The following OXSR1 variants were observed in gnomAD, a reference collection of about 807,000 sequenced individuals.
The protein encoded by OXSR1 is oxidative stress responsive kinase 1.
OXSR1 carries 24 observed loss-of-function variants against 79.8 expected under a neutral mutation model. The ratio of observed to expected loss-of-function variants is 0.30; its 90% CI spans 0.22 to 0.42. OXSR1 has a LOEUF of 0.42. Ranked by LOEUF, OXSR1 falls within the 10% of genes least tolerant of loss-of-function variation. The probability of loss-of-function intolerance (pLI) is 1.00; values close to 1 mark genes in which losing one functional copy is unlikely to be tolerated. For missense variants in OXSR1, 430 were observed against 618.4 expected (o/e 0.70, Z 3.23); for synonymous variants, 226 against 209.2 (o/e 1.08, Z -0.69).
chr3:38,186,743 C>T (rs572025071), intron 2 of OXSR1, among the ~76,000 whole-genome samples: 17 of 152,176 alleles, frequency 1.1e-4, no homozygotes, highest in Non-Finnish European at 2.2e-4. Context: ...TACTTCTTGG[C>T]TTTTATCAGT....
intron 4 of OXSR1, 32 bp downstream of exon 4, chr3:38,198,895 CA>C (rs1224175445): frequency 6.3e-7 from 1 of 1,589,848 alleles, no homozygotes; most frequent in East Asian, 2.2e-5. Flanking sequence ...TGTGTTACAT[CA>C]TCTCATTAAG....
At chr3:38,167,996 G>A (rs1012903394) in intron 1 of OXSR1, among the ~76,000 whole-genome samples, 2 of 151,638 alleles carry the variant, frequency 1.3e-5, no homozygotes, top group African/African-American at 4.9e-5. Context: ...GAATTTCAGA[G>A]TTGCAAAGGC....
At chr3:38,176,793 A>C (rs1207673852) in intron 1 of OXSR1, among the ~76,000 whole-genome samples, 1 of 152,250 alleles carries the variant, frequency 6.6e-6, no homozygotes, top group East Asian at 1.9e-4. Context: ...TATGATTGAT[A>C]ATACATATGT....
chr3:38,228,420 C>A (rs1702736047), intron 8 of OXSR1, among the ~76,000 whole-genome samples: 1 of 152,130 alleles, frequency 6.6e-6, no homozygotes, highest in South Asian at 2.1e-4. Context: ...CACATTTATT[C>A]AGCTTTTTAA....
At chr3:38,238,840 G>A (rs1702971010) in intron 11 of OXSR1, among the ~76,000 whole-genome samples, 1 of 151,734 alleles carries the variant, frequency 6.6e-6, no homozygotes, top group South Asian at 2.1e-4. Flanking sequence ...TGGATCTGTG[G>A]GTTTATAGGT....
intron 15 of OXSR1, 112 bp downstream of exon 15, chr3:38,250,130 T>A (rs867306821): frequency 1.3e-6 from 1 of 760,690 alleles, no homozygotes. Flanking sequence ...ATAATAAAAA[T>A]TTTCCTGGTT....
chr3:38,209,090 A>C (rs189504431), intron 4 of OXSR1, among the ~76,000 whole-genome samples: 4 of 151,706 alleles, frequency 2.6e-5, no homozygotes, highest in Admixed American at 2.6e-4. Context: ...AATTTGTAGT[A>C]GTCTGATTTT....
At chr3:38,173,760 G>C (rs1391276214) in intron 1 of OXSR1, among the ~76,000 whole-genome samples, 2 of 152,112 alleles carry the variant, frequency 1.3e-5, no homozygotes, top group East Asian at 3.8e-4. Flanking sequence ...TTGAACTCCT[G>C]TTATGTGCCA....
chr3:38,251,609 A>G, intron 16 of OXSR1, 138 bp downstream of exon 16: 2 of 699,962 alleles, frequency 2.9e-6, no homozygotes, highest in Non-Finnish European at 5.1e-6. Flanking sequence ...AATTATAGGT[A>G]ATGGGACAGT....
At chr3:38,226,013 G>C (rs1381454111) in intron 8 of OXSR1, among the ~76,000 whole-genome samples, 1 of 151,998 alleles carries the variant, frequency 6.6e-6, no homozygotes, top group Non-Finnish European at 1.5e-5. Context: ...CTTCAACCTG[G>C]ACATTCCACA....
At chr3:38,232,443 A>G (rs1161714544) in intron 10 of OXSR1, among the ~76,000 whole-genome samples, 2 of 151,716 alleles carry the variant, frequency 1.3e-5, no homozygotes, top group Non-Finnish European at 2.9e-5. Context: ...AAAATTACCT[A>G]CTAAAAGAAC....
rs151105173 is a variant in OXSR1 at position 38,223,817 on chromosome 3, T to C, written c.606T>C (p.Arg202=). The C allele has an allele frequency of 6.8e-5, 110 of 1,607,166 alleles. No homozygotes were observed. The African/African-American group carries it at 1.4e-3, about 20-fold the overall frequency. Residue 202 remains arginine (R), a synonymous_variant, in exon 7 of 18, where the codon CGT becomes CGC. Transcript: ENST00000311806. ...WMAPEVMEQV[R]GYDFKADIWS... ...CATGCAAATCTGTTTTGCAGGTCCG[T>C]GGTTATGATTTCAAAGCTGATATTT...
At chr3:38,201,697 G>A (rs1702167930) in intron 4 of OXSR1, among the ~76,000 whole-genome samples, 1 of 145,714 alleles carries the variant, frequency 6.9e-6, no homozygotes, top group Non-Finnish European at 1.5e-5. Flanking sequence ...GCGACAGAGC[G>A]AGAGTGTCTC....
chr3:38,185,140 C>A (rs988910777), intron 2 of OXSR1, among the ~76,000 whole-genome samples: 2 of 151,100 alleles, frequency 1.3e-5, no homozygotes, highest in African/African-American at 4.9e-5. Flanking sequence ...AAATTGAATA[C>A]GACTTACACA....
chr3:38,240,674 T>G (rs1285332255), intron 11 of OXSR1, among the ~76,000 whole-genome samples: 1 of 151,868 alleles, frequency 6.6e-6, no homozygotes. Flanking sequence ...GAATATTATG[T>G]TCCTTTGCCA....
Position 38,247,728 on chromosome 3 carries a change from T to C in OXSR1, c.1318T>C (p.Leu440=). The part of the protein sequence containing the change: ...TKIPISLVLR[L]RNSKKELNDI... ...GATCCCAATCAGTCTAGTACTAAGA[T>C]TAAGGTAAGTAGACATTTTTTGTTT... The change falls in exon 14 of 18, where the codon TTA becomes CTA. Residue 440 remains leucine (L), a synonymous_variant. Coordinates refer to ENST00000311806, the MANE Select transcript of OXSR1 (RefSeq NM_005109.3). 1 of 1,600,806 alleles carries C rather than the reference T, an allele frequency of 6.2e-7. No homozygotes were observed. The highest frequency in any genetic ancestry group is 8.6e-7 in the Non-Finnish European group (1 of 1,168,238).
At chr3:38,230,540 G>A (rs1294567994) in intron 10 of OXSR1, 110 bp downstream of exon 10, 1 of 745,056 alleles carries the variant, frequency 1.3e-6, no homozygotes, top group Non-Finnish European at 2.3e-6. Flanking sequence ...CTGGTTTTCT[G>A]TCGATCCTTT....
chr3:38,234,051 C>T (rs1011257412), intron 10 of OXSR1, among the ~76,000 whole-genome samples: 9 of 152,120 alleles, frequency 5.9e-5, no homozygotes, highest in Admixed American at 5.2e-4. Flanking sequence ...TATTCACATG[C>T]AGAAGAATGA....
chr3:38,237,904 C>T (rs926842447), intron 11 of OXSR1, among the ~76,000 whole-genome samples: 1 of 152,116 alleles, frequency 6.6e-6, no homozygotes, highest in Admixed American at 6.6e-5. Flanking sequence ...TTGATACTCT[C>T]ATGTATTGTT....
Sources: gnomAD v4.1 joint callset for allele counts (sites outside exome capture counted in the v4.1 genomes callset) on GRCh38, gnomAD v4.1.1 for gene constraint, MANE v1.5 for transcripts, NCBI Gene and HGNC (gene_info 2026-07-23, HGNC 2026-07-21) for gene names.